NRXN1: variants seen among roughly 807,000 people sequenced by gnomAD.
NRXN1 encodes the protein neurexin-1.
In NRXN1, 39 loss-of-function variants were observed where a neutral mutation model predicts 150.9. That is an observed-to-expected ratio of 0.26 (90% CI 0.20 to 0.34). The LOEUF is 0.34. Among genes scored for constraint, NRXN1 ranks in the 10% least tolerant of loss-of-function variants. The probability of loss-of-function intolerance (pLI) is 1.00; values close to 1 mark genes in which losing one functional copy is unlikely to be tolerated. For missense variants in NRXN1, 1,815 were observed against 1,949.9 expected (o/e 0.93, Z 1.30); for synonymous variants, 924 against 757.0 (o/e 1.22, Z -3.62).
At chr2:51,015,336 C>T (rs1206427426) in intron 2 of NRXN1, among the ~76,000 whole-genome samples, 3 of 152,050 alleles carry the variant, frequency 2.0e-5, no homozygotes, top group Admixed American at 1.3e-4. Flanking sequence ...AGCATCTTTC[C>T]ATCCTCCACC....
At chr2:50,646,043 G>C (rs983836105) in intron 5 of NRXN1, among the ~76,000 whole-genome samples, 1 of 151,862 alleles carries the variant, frequency 6.6e-6, no homozygotes, top group Non-Finnish European at 1.5e-5. Context: ...TGAAGAATAA[G>C]GTCTAAATCA....
chr2:50,030,175 G>A (rs921688385), intron 21 of NRXN1, among the ~76,000 whole-genome samples: 4 of 152,122 alleles, frequency 2.6e-5, no homozygotes, highest in African/African-American at 4.8e-5. Flanking sequence ...GGTTAGACAG[G>A]TTGCTTCCTG....
At chr2:50,027,368 T>TCCTTCCTTCCTTCCTCCCTC (rs1285211979) in intron 21 of NRXN1, among the ~76,000 whole-genome samples, 2 of 84,156 alleles carry the variant, frequency 2.4e-5, no homozygotes, top group Non-Finnish European at 5.2e-5. Flanking sequence ...CTTCGTTGCT[T>TCCTTCCTTCCTTCCTCCCTC]CCTTCCTTCC....
intron 15 of NRXN1, among the ~76,000 whole-genome samples, chr2:50,494,853 C>CA (rs2091467767): frequency 6.6e-6 from 1 of 151,658 alleles, no homozygotes. Context: ...ACCAACACGG[C>CA]AAAAACCTGT....
intron 18 of NRXN1, among the ~76,000 whole-genome samples, chr2:50,116,598 G>A (rs1044535927): frequency 2.6e-5 from 4 of 151,948 alleles, no homozygotes; most frequent in Admixed American, 2.6e-4. Flanking sequence ...TGTATAACAG[G>A]AAGATCTGAA....
rs142950752 is a variant in NRXN1 at position 50,864,275 on chromosome 2, T to C, written c.832+57594A>G. Among the ~76,000 whole-genome samples the C allele has an allele frequency of 2.0e-3, 298 of 152,074 alleles. 1 individual carries two copies. Among genetic ancestry groups the C allele is most frequent in the African/African-American group, 6.6e-3 (273 of 41,502 alleles). ...ATACAGTGGTAAGCAAAATCAGACA[T>C]GTATCTGATCATCATAAAAGCTAAA... On this transcript the variant is annotated intron_variant, in intron 5 of 22. Coordinates refer to ENST00000401669, the MANE Select transcript of NRXN1 (RefSeq NM_001330078.2).
chr2:50,680,351 G>C (rs1218280571), intron 5 of NRXN1, among the ~76,000 whole-genome samples: 1 of 151,904 alleles, frequency 6.6e-6, no homozygotes, highest in African/African-American at 2.4e-5. Context: ...ATCCTACAGA[G>C]ACCTATGAAG....
chr2:50,411,295 C>T (rs976401242), intron 17 of NRXN1, among the ~76,000 whole-genome samples: 2 of 152,180 alleles, frequency 1.3e-5, no homozygotes, highest in Non-Finnish European at 2.9e-5. Context: ...CCCGAGGTGC[C>T]GGGATTGCAG....
intron 13 of NRXN1, among the ~76,000 whole-genome samples, chr2:50,500,109 TA>T (rs573194578): frequency 6.6e-6 from 1 of 151,930 alleles, no homozygotes; most frequent in Non-Finnish European, 1.5e-5. Flanking sequence ...CAACCAATAG[TA>T]AAAAAATTCT....
intron 15 of NRXN1, among the ~76,000 whole-genome samples, chr2:50,475,907 G>T (rs1326478997): frequency 2.0e-5 from 3 of 151,872 alleles, no homozygotes; most frequent in African/African-American, 7.3e-5. Context: ...GCACTAATGG[G>T]TCCTGCAGGT....
intron 17 of NRXN1, among the ~76,000 whole-genome samples, chr2:50,271,612 G>T (rs2152923411): frequency 6.6e-6 from 1 of 152,290 alleles, no homozygotes; most frequent in South Asian, 2.1e-4. Context: ...AGATTTTATA[G>T]GTCACTGTCT....
intron 5 of NRXN1, among the ~76,000 whole-genome samples, chr2:50,737,024 G>A (rs1293483687): frequency 6.6e-6 from 1 of 152,036 alleles, no homozygotes; most frequent in African/African-American, 2.4e-5. Flanking sequence ...TTGGGAGGCT[G>A]AGGTGGGTGG....
chr2:50,181,841 A>G (rs1284734850), intron 18 of NRXN1, among the ~76,000 whole-genome samples: 3 of 152,122 alleles, frequency 2.0e-5, no homozygotes, highest in Non-Finnish European at 4.4e-5. Context: ...TCAGATTATC[A>G]TGGAAAACGA....
chr2:50,192,837 T>TGGCCTCAA (rs1226300782), intron 18 of NRXN1, among the ~76,000 whole-genome samples: 3 of 152,196 alleles, frequency 2.0e-5, no homozygotes, highest in African/African-American at 7.2e-5. Flanking sequence ...CTCAAAATCT[T>TGGCCTCAA]GGCCTCAAGT....
intron 21 of NRXN1, among the ~76,000 whole-genome samples, chr2:49,968,466 G>C (rs971811230): frequency 5.9e-5 from 9 of 151,984 alleles, no homozygotes; most frequent in Non-Finnish European, 8.8e-5. Flanking sequence ...AGAACATGTA[G>C]AACAATAGGA....
intron 5 of NRXN1, among the ~76,000 whole-genome samples, chr2:50,663,632 C>T (rs1465914332): frequency 1.3e-5 from 2 of 151,964 alleles, no homozygotes; most frequent in African/African-American, 4.8e-5. Flanking sequence ...ACTTGCATGC[C>T]TTTAGGATAC....
intron 2 of NRXN1, chr2:50,985,416 A>T (rs1368297248): frequency 6.6e-6 from 1 of 151,844 alleles, no homozygotes; most frequent in Non-Finnish European, 1.5e-5. Flanking sequence ...ACTTATCTTC[A>T]ACGTCGGTTA....
chr2:50,735,054 T>TA (rs1392552103), intron 5 of NRXN1, among the ~76,000 whole-genome samples: 2 of 152,174 alleles, frequency 1.3e-5, no homozygotes, highest in Non-Finnish European at 2.9e-5. Context: ...ACTTGGCTGT[T>TA]AGAGTGAAAT....
At chr2:50,103,167 T>G (rs776505005) in intron 18 of NRXN1, among the ~76,000 whole-genome samples, 35 of 152,104 alleles carry the variant, frequency 2.3e-4, no homozygotes, top group Non-Finnish European at 4.7e-4. Flanking sequence ...CTCACATCTT[T>G]TTCAAAAGTC....
Sources: allele counts gnomAD v4.1 joint callset (sites outside exome capture counted in the v4.1 genomes callset), GRCh38; gene constraint gnomAD v4.1.1; transcripts MANE v1.5; gene names NCBI Gene and HGNC (gene_info 2026-07-23, HGNC 2026-07-21).